Variants in RNF180 observed in about 807,000 individuals in gnomAD.
The protein encoded by RNF180 is ring finger protein 180.
RNF180 carries 38 observed loss-of-function variants against 59.2 expected under a neutral mutation model. That is an observed-to-expected ratio of 0.64 (90% CI 0.50 to 0.84). The LOEUF (loss-of-function observed/expected upper bound fraction) is 0.84. RNF180 is among the 40% of genes least tolerant of loss of function. RNF180 has a pLI of 0.00. For missense variants in RNF180, 705 were observed against 700.9 expected (o/e 1.01, Z -0.07); for synonymous variants, 262 against 240.3 (o/e 1.09, Z -0.84).
At chr5:64,166,737 A>C (rs1300149520) in intron 1 of RNF180, among the ~76,000 whole-genome samples, 1 of 152,178 alleles carries the variant, frequency 6.6e-6, no homozygotes, top group East Asian at 1.9e-4. Flanking sequence ...CATTTTATAG[A>C]CCAGACAGCT....
At chr5:64,354,890 A>G (rs1745956020) in intron 7 of RNF180, among the ~76,000 whole-genome samples, 1 of 151,890 alleles carries the variant, frequency 6.6e-6, no homozygotes, top group South Asian at 2.1e-4. Context: ...TGATAAACAC[A>G]CTCAGAAGAC....
intron 5 of RNF180, among the ~76,000 whole-genome samples, chr5:64,251,817 A>G (rs1483389577): frequency 1.3e-5 from 2 of 152,000 alleles, no homozygotes; most frequent in Non-Finnish European, 2.9e-5. Context: ...CTATCTGAAA[A>G]ACCAGTAAAA....
intron 5 of RNF180, among the ~76,000 whole-genome samples, chr5:64,276,393 T>TG (rs1554038857): frequency 6.5e-5 from 7 of 107,032 alleles, no homozygotes; most frequent in African/African-American, 2.1e-4. Context: ...GTGTGTGTGT[T>TG]TATTTATTTT....
chr5:64,320,765 G>A lies in RNF180; in HGVS notation c.1228-4421G>A, dbSNP rs541473509. On this transcript the variant is annotated intron_variant, in intron 5 of 7. Transcript: ENST00000389100. ...ATAAATGGTCTAATTAAGGCTGGGC[G>A]CGATGGCTCACGCCTGTAATCCCAG... Among the ~76,000 whole-genome samples, 50 of 152,310 alleles carry A rather than the reference G, an allele frequency of 3.3e-4. 1 individual carries two copies. The South Asian group carries it at 8.9e-3, about 27-fold the overall frequency.
intron 5 of RNF180, among the ~76,000 whole-genome samples, chr5:64,285,580 A>T (rs187109436): frequency 2.0e-4 from 31 of 152,072 alleles, no homozygotes; most frequent in African/African-American, 7.2e-4. Context: ...GGTTAGGTGC[A>T]CTCTGCCAGT....
At chr5:64,369,594 A>G (rs1746585996) in intron 7 of RNF180, 21 bp from the exon 8 acceptor site, 1 of 1,439,346 alleles carries the variant, frequency 6.9e-7, no homozygotes. Context: ...ATGGGCTTTA[A>G]TATGTTCATA....
chr5:64,205,549 T>A (rs777500180), intron 2 of RNF180, among the ~76,000 whole-genome samples: 12 of 152,186 alleles, frequency 7.9e-5, no homozygotes, highest in Admixed American at 6.5e-4. Context: ...GTTTTGGACA[T>A]GTGAAGTTTA....
At chr5:64,250,667 A>G (rs1328361849) in intron 5 of RNF180, among the ~76,000 whole-genome samples, 1 of 152,168 alleles carries the variant, frequency 6.6e-6, no homozygotes, top group Non-Finnish European at 1.5e-5. Context: ...CAAGATATGG[A>G]TAAATTCCTT....
chr5:64,203,228 G>A (rs1237108701), intron 2 of RNF180, among the ~76,000 whole-genome samples: 1 of 152,222 alleles, frequency 6.6e-6, no homozygotes, highest in East Asian at 1.9e-4. Context: ...AGCCTGATCT[G>A]AGGAGTACTC....
intron 3 of RNF180, 61 bp from the exon 4 acceptor site, chr5:64,213,497 A>G: frequency 6.7e-7 from 1 of 1,491,850 alleles, no homozygotes. Context: ...AAGAAAAAAA[A>G]ATTTCTCTTC....
At chr5:64,365,652 A>C (rs1746418683) in intron 7 of RNF180, among the ~76,000 whole-genome samples, 1 of 151,622 alleles carries the variant, frequency 6.6e-6, no homozygotes, top group Admixed American at 6.6e-5. Flanking sequence ...TGCTTTATGA[A>C]TCTGGGTGCT....
rs549127539 is a variant in RNF180, at chr5:64,200,919, T to C, written c.112T>C (p.Tyr38His). The change falls in exon 2 of 8, where the codon TAT (tyrosine) becomes CAT (histidine). Residue 38 changes from tyrosine (Y) to histidine (H), a missense_variant. Coordinates refer to ENST00000389100, the MANE Select transcript of RNF180 (RefSeq NM_001113561.2). Reference protein sequence around the residue: ...CIASSGCFMEYLENQVIKDKD... With the variant: ...CIASSGCFMEHLENQVIKDKD... The stretch of plus-strand genomic sequence containing the variant: ...AGCAAGCTCTGGTTGTTTTATGGAG[T>C]ATCTTGAGAATCAAGTGATTAAGGT... 1.9e-6 allele frequency: 3 copies of C among 1,613,750 alleles called. No homozygotes were observed. Among genetic ancestry groups the C allele is most frequent in the South Asian group, 2.2e-5 (2 of 91,056 alleles).
chr5:64,341,451 TAAAAG>T (rs1424356797), intron 7 of RNF180, among the ~76,000 whole-genome samples: 2 of 152,292 alleles, frequency 1.3e-5, no homozygotes, highest in African/African-American at 2.4e-5. Context: ...GTCATTTAAT[TAAAAG>T]AAAAGATTTC....
chr5:64,342,375 A>G (rs1047066581), intron 7 of RNF180, among the ~76,000 whole-genome samples: 1 of 152,138 alleles, frequency 6.6e-6, no homozygotes, highest in African/African-American at 2.4e-5. Flanking sequence ...AGAGGACTCT[A>G]TGAAGGGGAA....
intron 1 of RNF180, among the ~76,000 whole-genome samples, chr5:64,182,090 A>G (rs1434143801): frequency 6.9e-6 from 1 of 145,242 alleles, no homozygotes; most frequent in African/African-American, 2.6e-5. Context: ...TTCCAGGTTC[A>G]CACCATTCTC....
chr5:64,196,190 GT>G (rs375790160), intron 1 of RNF180, among the ~76,000 whole-genome samples: 54,943 of 146,518 alleles, frequency 0.37, 10,293 homozygotes, highest in Middle Eastern at 0.44. Context: ...CAGGCACTTA[GT>G]TTTTTTTTTT....
intron 5 of RNF180, among the ~76,000 whole-genome samples, chr5:64,249,035 A>G (rs371466008): frequency 1.3e-5 from 2 of 152,318 alleles, no homozygotes; most frequent in East Asian, 3.9e-4. Flanking sequence ...GTTTTCACTC[A>G]TAAGTGGGAG....
Position 64,285,654 on chromosome 5 carries a change from G to T in RNF180, c.1228-39532G>T, listed in dbSNP as rs569380149. Among the ~76,000 whole-genome samples the T allele has an allele frequency of 7.6e-4, 116 of 152,252 alleles. 1 individual carries two copies. Among genetic ancestry groups the T allele is most frequent in the Non-Finnish European group, 3.8e-4 (26 of 68,024 alleles). On this transcript the variant is annotated intron_variant, in intron 5 of 7. Transcript: ENST00000389100. Reference sequence around the variant, plus strand: ...TTGGGCATCAGAGACTGTGTTGCAGGCAGACGCAGCTAGGCTGGGGCCCCC... The same window carrying T: ...TTGGGCATCAGAGACTGTGTTGCAGTCAGACGCAGCTAGGCTGGGGCCCCC...
chr5:64,334,383 A>G (rs909032699), intron 7 of RNF180, among the ~76,000 whole-genome samples: 26 of 152,166 alleles, frequency 1.7e-4, no homozygotes, highest in African/African-American at 6.3e-4. Flanking sequence ...CTCCCTTCAG[A>G]GATTGTAATG....
Sources: allele counts gnomAD v4.1 joint callset (sites outside exome capture counted in the v4.1 genomes callset), GRCh38; gene constraint gnomAD v4.1.1; transcripts MANE v1.5; gene names NCBI Gene and HGNC (gene_info 2026-07-23, HGNC 2026-07-21).